Variants in COL6A6 observed in about 807,000 individuals in gnomAD.
COL6A6 encodes collagen alpha-6(VI) chain.
Under a neutral mutation model 208.6 loss-of-function variants are expected in COL6A6, and 183 were observed. That is an observed-to-expected ratio of 0.88 (90% CI 0.78 to 0.99). The LOEUF (loss-of-function observed/expected upper bound fraction) is 0.99, where lower values mean the gene tolerates loss of function less well. COL6A6 is among the 50% of genes least tolerant of loss of function. The pLI, the probability that COL6A6 is intolerant of heterozygous loss-of-function variation, is 0.00. For synonymous variants in COL6A6, 973 were observed against 1,011.8 expected, an observed-to-expected ratio of 0.96 and a Z score of 0.73; for missense variants, 2,816 against 2,815.2, an observed-to-expected ratio of 1.00 and a Z score of -0.01.
At chr3:130,588,181 A>T (rs1472660739) in intron 11 of COL6A6, among the ~76,000 whole-genome samples, 1 of 152,240 alleles carries the variant, frequency 6.6e-6, no homozygotes, top group Non-Finnish European at 1.5e-5. Flanking sequence ...AATGTCAGAA[A>T]AGGAACATTA....
chr3:130,640,259 C>A (rs2065272051), intron 28 of COL6A6, among the ~76,000 whole-genome samples: 1 of 152,204 alleles, frequency 6.6e-6, no homozygotes, highest in African/African-American at 2.4e-5. Flanking sequence ...GCTTAGGATT[C>A]AACTTTCTCA....
In COL6A6 at chr3:130,568,312, T is replaced by C. The variant is rs1287916147; in HGVS notation, c.2109T>C (p.Ser703=). 1 of 1,613,894 alleles carries C rather than the reference T, an allele frequency of 6.2e-7. No individual in the cohort carries two copies. Among genetic ancestry groups the C allele is most frequent in the Non-Finnish European group, 8.5e-7 (1 of 1,179,898 alleles). Residue 703 remains serine, a synonymous_variant, in exon 6 of 37, where the codon AGT becomes AGC. Transcript: ENST00000358511. ...TTGGACAAACCACCCTGACTGGTAGTGCCCTGAGCTTTGTGTCTCAGTACT... is the reference window on the plus strand; with the variant it reads ...TTGGACAAACCACCCTGACTGGTAGCGCCCTGAGCTTTGTGTCTCAGTACT... ...AHIGQTTLTG[S]ALSFVSQYFS... is the part of the protein sequence containing the mutation.
chr3:130,542,898 C>CTTTTTTTTTTTTTTTTT (rs56339748), intron 1 of COL6A6, among the ~76,000 whole-genome samples: 1 of 92,602 alleles, frequency 1.1e-5, no homozygotes, highest in African/African-American at 4.1e-5. Flanking sequence ...TCCATTCACT[C>CTTTTTTTTTTTTTTTTT]TTTTTTTTTT....
At position 130,608,939 on chromosome 3, in the gene COL6A6, G is replaced by A; in HGVS notation, c.4727G>A (p.Gly1576Asp). 2 of 1,613,330 alleles carry A rather than the reference G, an allele frequency of 1.2e-6. No individual in the cohort carries two copies. The highest frequency in any genetic ancestry group is 1.6e-4 in the Middle Eastern group (1 of 6,062). Reference sequence around the variant, plus strand: ...ATCCCAGGACCAGATGGACTTGAAGGCTCCCTGGGACTTAAGGGCCCTCAG... The same window carrying A: ...ATCCCAGGACCAGATGGACTTGAAGACTCCCTGGGACTTAAGGGCCCTCAG... ...AGIPGPDGLE[G>D]SLGLKGPQGP... The change falls in exon 22 of 37, where the codon GGC (glycine) becomes GAC (aspartate). Residue 1576 changes from glycine to aspartate, a missense_variant. Transcript: ENST00000358511.
chr3:130,560,277 G>A, intron 1 of COL6A6, 57 bp from the exon 2 acceptor site: 1 of 1,088,434 alleles, frequency 9.2e-7, no homozygotes, highest in Non-Finnish European at 1.4e-6. Context: ...TCTTGTATGT[G>A]AGTCTTAATT....
intron 1 of COL6A6, among the ~76,000 whole-genome samples, chr3:130,525,510 T>C (rs1440138795): frequency 6.6e-6 from 1 of 152,238 alleles, no homozygotes. Context: ...AATCCTAGAA[T>C]TTCAGAGCAG....
intron 1 of COL6A6, among the ~76,000 whole-genome samples, chr3:130,559,242 A>G (rs77869574): frequency 0.01 from 1,587 of 152,312 alleles, 25 homozygotes; most frequent in African/African-American, 0.037. Context: ...CTAAAATGAA[A>G]AGGTTTGTAC....
At chr3:130,533,942 C>T (rs368249338) in intron 1 of COL6A6, among the ~76,000 whole-genome samples, 9 of 152,266 alleles carry the variant, frequency 5.9e-5, no homozygotes, top group South Asian at 4.1e-4. Flanking sequence ...TGTGTGTGCA[C>T]GCCAGTTTAA....
At chr3:130,542,898 C>CTTTTTTTTTTTT (rs56339748) in intron 1 of COL6A6, among the ~76,000 whole-genome samples, 5 of 92,602 alleles carry the variant, frequency 5.4e-5, no homozygotes, top group African/African-American at 1.7e-4. Flanking sequence ...TCCATTCACT[C>CTTTTTTTTTTTT]TTTTTTTTTT....
In COL6A6 at chr3:130,574,215, C is replaced by T. The variant is rs375175502; in HGVS notation, c.3237C>T (p.Ile1079=). The change falls in exon 8 of 37, where the codon ATC becomes ATT. Residue 1079 remains isoleucine, a synonymous_variant. Transcript: ENST00000358511. ...AGCAGATCTTTGGAAACACACACAT[C>T]GGTGCTGCACTCAGGGAGGTGGAAC... ...NIKQIFGNTH[I]GAALREVEHY... The T allele has an allele frequency of 4.5e-5, 73 of 1,613,834 alleles. No individual in the cohort carries two copies. Among genetic ancestry groups the T allele is most frequent in the Admixed American group, 1.7e-4 (10 of 60,002 alleles).
At chr3:130,622,025 C>T (rs1171338384) in intron 24 of COL6A6, 142 bp downstream of exon 24, 4 of 669,834 alleles carry the variant, frequency 6.0e-6, no homozygotes, top group Non-Finnish European at 1.0e-5. Flanking sequence ...CTTAGAGAGC[C>T]AACAACCTCT....
intron 23 of COL6A6, among the ~76,000 whole-genome samples, chr3:130,613,777 A>G (rs957199975): frequency 3.9e-5 from 6 of 152,082 alleles, no homozygotes; most frequent in Non-Finnish European, 8.8e-5. Context: ...TTTTGTGGCA[A>G]TTGTGAATGG....
intron 20 of COL6A6, 116 bp from the exon 21 acceptor site, chr3:130,606,812 AAGC>A: frequency 3.0e-6 from 2 of 668,290 alleles, no homozygotes; most frequent in Non-Finnish European, 4.9e-6. Flanking sequence ...TGAATGTTGT[AAGC>A]ACTATGTGGG....
chr3:130,658,692 C>A lies in COL6A6; in HGVS notation c.5750C>A (p.Thr1917Lys). Residue 1917 changes from threonine to lysine, a missense_variant, in exon 34 of 37, where the codon ACA (threonine) becomes AAA (lysine). By Grantham distance (78) the Thr-to-Lys change is moderately conservative (BLOSUM62 -1). Transcript: ENST00000358511. ...RRAFAIDDTGTFQVIVVPSGA... is the reference protein window; with the variant it reads ...RRAFAIDDTGKFQVIVVPSGA... The stretch of plus-strand genomic sequence containing the variant: ...TTCTTTTAGATTGACGACACTGGCA[C>A]ATTTCAAGTAATAGTGGTTCCCTCC... 6.2e-7 allele frequency: 1 copy of A among 1,612,518 alleles called. No homozygotes were observed.
chr3:130,586,314 C>T (rs1186503640), intron 10 of COL6A6, among the ~76,000 whole-genome samples, 192 bp from the exon 11 acceptor site: 1 of 152,152 alleles, frequency 6.6e-6, no homozygotes, highest in Non-Finnish European at 1.5e-5. Context: ...TTTTGAAAAA[C>T]ATAATTCCTT....
intron 21 of COL6A6, among the ~76,000 whole-genome samples, chr3:130,608,690 A>G (rs140362833): frequency 1.3e-5 from 2 of 150,672 alleles, no homozygotes; most frequent in African/African-American, 4.9e-5. Flanking sequence ...GAAATACACC[A>G]GCATACTAGC....
chr3:130,599,330 A>C lies in COL6A6; in HGVS notation c.4600-427A>C, dbSNP rs971964178. Among the ~76,000 whole-genome samples the C allele has an allele frequency of 1.3e-4, 20 of 152,312 alleles. No individual in the cohort carries two copies. In the East Asian group the frequency reaches 3.9e-3, roughly 29 times the overall value. On this transcript the variant is annotated intron_variant, in intron 19 of 36. Transcript: ENST00000358511. ...TGATCATACAAGTCTTTTTATTATG[A>C]GACTTTATTTACAGTAAGGTAATAA...
intron 2 of COL6A6, among the ~76,000 whole-genome samples, chr3:130,562,475 G>T (rs2062914740): frequency 1.3e-5 from 2 of 152,028 alleles, no homozygotes; most frequent in African/African-American, 4.8e-5. Context: ...CCTTGAAAAA[G>T]ATTGACTATT....
rs201942949 is a variant in COL6A6, at chr3:130,649,125, C to T, written c.5296C>T (p.Arg1766Trp). 6 of 1,581,136 alleles carry T rather than the reference C, an allele frequency of 3.8e-6. No homozygotes were observed. Among genetic ancestry groups the T allele is most frequent in the Admixed American group, 3.6e-5 (2 of 55,182 alleles). ...GTTGGTGTTTGCCCTGGACCACTCC[C>T]GGGATGTCACTGAGCAGGAATTTGA... is the stretch of plus-strand genomic sequence containing the variant. ...TELVFALDHS[R>W]DVTEQEFERM... Residue 1766 changes from arginine (R) to tryptophan (W), a missense_variant, in exon 33 of 37, where the codon CGG (arginine) becomes TGG (tryptophan). Transcript: ENST00000358511.
Sources: allele counts gnomAD v4.1 joint callset (sites outside exome capture counted in the v4.1 genomes callset), GRCh38; gene constraint gnomAD v4.1.1; transcripts MANE v1.5; gene names NCBI Gene and HGNC (gene_info 2026-07-23, HGNC 2026-07-21).